ASCC2: variants seen among roughly 807,000 people sequenced by gnomAD.
ASCC2 encodes ASC-1 complex subunit P100.
Under a neutral mutation model 93.5 loss-of-function variants are expected in ASCC2, and 42 were observed. That is an observed-to-expected ratio of 0.45 (90% CI 0.35 to 0.58). The LOEUF (loss-of-function observed/expected upper bound fraction) is 0.58. Among genes scored for constraint, ASCC2 ranks in the 20% least tolerant of loss-of-function variants. The pLI, the probability that ASCC2 is intolerant of heterozygous loss-of-function variation, is 0.00. For missense variants in ASCC2, 859 were observed against 977.6 expected (o/e 0.88, Z 1.62); for synonymous variants, 364 against 384.2 (o/e 0.95, Z 0.62).
In ASCC2 at chr22:29,816,087, A is replaced by AGAAAGGTTGGAATTGAG. The variant is rs771848137; in HGVS notation, c.542-31_542-15dup. 6.3e-7 allele frequency: 1 copy of AGAAAGGTTGGAATTGAG among 1,581,838 alleles called. No homozygotes were observed. The highest frequency in any genetic ancestry group is 8.6e-7 in the Non-Finnish European group (1 of 1,161,426). On this transcript the variant is annotated splice_polypyrimidine_tract_variant and intron_variant, in intron 5 of 19. Transcript: ENST00000307790. ...TAAAGATGTTTCCTAAAAAGAGAAG[A>AGAAAGGTTGGAATTGAG]GAAAGGTTGGAATTGAGAAAAGGTG... is the stretch of plus-strand genomic sequence containing the variant.
chr22:29,805,538 C>T (rs1034035477), intron 12 of ASCC2, among the ~76,000 whole-genome samples: 11 of 152,172 alleles, frequency 7.2e-5, no homozygotes, highest in Middle Eastern at 3.2e-3. Flanking sequence ...CAACCTTCCG[C>T]GCTCCCCAGC....
In ASCC2 at chr22:29,832,153, T is replaced by C. The variant is rs189907606; in HGVS notation, c.81+92A>G. On this transcript the variant is annotated intron_variant, in intron 2 of 19. Transcript: ENST00000307790. ...TCACCGACCATGGCCCTCGTGTCATTCTTGGAACAGATAAAGACGGAATTT... is the reference window on the plus strand; with the variant it reads ...TCACCGACCATGGCCCTCGTGTCATCCTTGGAACAGATAAAGACGGAATTT... The C allele has an allele frequency of 4.4e-6, 5 of 1,131,636 alleles. No individual in the cohort carries two copies. The African/African-American group carries it at 4.6e-5, about 10-fold the overall frequency. The allele number at this position is 1,131,636 out of a possible 1,614,324, so 70.1% of individuals were successfully genotyped here.
rs200960163 is a variant in ASCC2 at position 29,823,764 on chromosome 22, T to C, written c.412-1300A>G. Among the ~76,000 whole-genome samples, 14 of 151,472 alleles carry C rather than the reference T, an allele frequency of 9.2e-5. No homozygotes were observed. In the East Asian group the frequency reaches 2.7e-3, roughly 30 times the overall value. On this transcript the variant is annotated intron_variant, in intron 4 of 19. Transcript: ENST00000307790. Reference sequence around the variant, plus strand: ...TTGGGAGGCTGAGGTAGGAGAATGCTTGAATCCAGGAGGCGGAGGTTGCAG... The same window carrying C: ...TTGGGAGGCTGAGGTAGGAGAATGCCTGAATCCAGGAGGCGGAGGTTGCAG...
rs1438334373 is a variant in ASCC2, at chr22:29,814,810, AG to A, written c.610-44del. The A allele has an allele frequency of 1.9e-6, 3 of 1,542,486 alleles. No homozygotes were observed. In the South Asian group the frequency reaches 3.4e-5, roughly 18 times the overall value. On this transcript the variant is annotated intron_variant, in intron 6 of 19. Transcript: ENST00000307790. Reference sequence around the variant, plus strand: ...GGGCTCTCTCACATCATACTGAACCAGGGCTAGGACCCCTGGCAGCAGCCAG... The same window carrying A: ...GGGCTCTCTCACATCATACTGAACCAGGCTAGGACCCCTGGCAGCAGCCAG...
chr22:29,796,917 T>A (rs1411508898), intron 15 of ASCC2, among the ~76,000 whole-genome samples: 1 of 152,156 alleles, frequency 6.6e-6, no homozygotes, highest in Non-Finnish European at 1.5e-5. Context: ...AGTGGGGCAG[T>A]TCTTTCATGC....
chr22:29,801,145 C>T (rs769317668), intron 14 of ASCC2, 35 bp from the exon 15 acceptor site: 2 of 1,563,212 alleles, frequency 1.3e-6, no homozygotes, highest in South Asian at 1.1e-5. Flanking sequence ...TTTAAGGGGG[C>T]CCTGCCAGCT....
At chr22:29,822,514 C>A (rs1602147646) in intron 4 of ASCC2, 50 bp from the exon 5 acceptor site, 1 of 1,595,476 alleles carries the variant, frequency 6.3e-7, no homozygotes, top group Non-Finnish European at 8.6e-7. Context: ...AACACTCCTA[C>A]ATTATAAATA....
At chr22:29,793,337 C>T (rs1330317961) in intron 17 of ASCC2, 23 bp downstream of exon 17, 11 of 1,611,776 alleles carry the variant, frequency 6.8e-6, no homozygotes, top group South Asian at 2.2e-5. Context: ...TGCCCTGGAA[C>T]GCCACCCCCA....
chr22:29,826,555 C>T (rs948587373), intron 2 of ASCC2, among the ~76,000 whole-genome samples: 5 of 152,118 alleles, frequency 3.3e-5, no homozygotes, highest in Admixed American at 1.3e-4. Flanking sequence ...AAGCCATCCG[C>T]CTGCCTTGGC....
chr22:29,790,976 T>C (rs780987775), intron 18 of ASCC2, among the ~76,000 whole-genome samples: 2 of 152,122 alleles, frequency 1.3e-5, no homozygotes, highest in Non-Finnish European at 2.9e-5. Context: ...ACTAGCAGCA[T>C]GTGTGGGAGT....
intron 15 of ASCC2, among the ~76,000 whole-genome samples, chr22:29,800,243 C>G (rs910075009): frequency 6.6e-6 from 1 of 152,204 alleles, no homozygotes; most frequent in Admixed American, 6.5e-5. Flanking sequence ...CTTTAGCTCT[C>G]GGTCCCATGT....
intron 13 of ASCC2, among the ~76,000 whole-genome samples, chr22:29,804,052 CCT>C (rs2059398608): frequency 6.6e-6 from 1 of 152,246 alleles, no homozygotes; most frequent in African/African-American, 2.4e-5. Context: ...AGGTCACACC[CCT>C]GAGCTGCCTC....
At chr22:29,836,656 G>C (rs1568969982) in intron 1 of ASCC2, among the ~76,000 whole-genome samples, 1 of 152,022 alleles carries the variant, frequency 6.6e-6, no homozygotes, top group Non-Finnish European at 1.5e-5. Context: ...TGTCTCCCGG[G>C]TTCAAGAGAT....
Position 29,793,422 on chromosome 22 carries a change from T to C in ASCC2, c.1857A>G (p.Thr619=). Residue 619 remains threonine, a synonymous_variant, in exon 17 of 20, where the codon ACA becomes ACG. Coordinates refer to ENST00000307790, the MANE Select transcript of ASCC2 (RefSeq NM_032204.5). ...TGGCGCCCACCTGGTTGCCATCGTATGTGTCATCGTACTCATCCTCGTAGT... is the reference window on the plus strand; with the variant it reads ...TGGCGCCCACCTGGTTGCCATCGTACGTGTCATCGTACTCATCCTCGTAGT... The part of the protein sequence containing the change: ...SVYYEDEYDD[T]YDGNQVGAND... 2 of 1,614,160 alleles carry C rather than the reference T, an allele frequency of 1.2e-6. No homozygotes were observed. The highest frequency in any genetic ancestry group is 1.7e-6 in the Non-Finnish European group (2 of 1,180,042).
chr22:29,823,922 G>C (rs1450136805), intron 4 of ASCC2, among the ~76,000 whole-genome samples: 2 of 152,080 alleles, frequency 1.3e-5, no homozygotes, highest in Non-Finnish European at 2.9e-5. Flanking sequence ...CAGGTGTGGT[G>C]GCTAGTGCCT....
Position 29,793,666 on chromosome 22 carries a change from C to T in ASCC2, c.1699G>A (p.Glu567Lys), listed in dbSNP as rs775769576. The change falls in exon 16 of 20, where the codon GAG becomes AAG. Residue 567 changes from glutamate (E) to lysine (K), a missense_variant. Coordinates refer to ENST00000307790, the MANE Select transcript of ASCC2 (RefSeq NM_032204.5). The part of the protein sequence containing the change: ...RVHKGKSTRK[E>K]ENTRSLLNDK... ...TTCAGCAAACTCCGCGTGTTTTCCTCCTTCCTGGTGCTGAGAAGGAACAGC... is the reference window on the plus strand; with the variant it reads ...TTCAGCAAACTCCGCGTGTTTTCCTTCTTCCTGGTGCTGAGAAGGAACAGC... The T allele has an allele frequency of 2.6e-6, 4 of 1,566,602 alleles. No individual in the cohort carries two copies. Among genetic ancestry groups the T allele is most frequent in the Middle Eastern group, 3.3e-4 (2 of 6,014 alleles).
chr22:29,806,889 C>G lies in ASCC2; in HGVS notation c.924G>C (p.Leu308=), dbSNP rs1387875444. The G allele has an allele frequency of 3.7e-6, 6 of 1,613,632 alleles. No homozygotes were observed. Among genetic ancestry groups the G allele is most frequent in the Non-Finnish European group, 2.5e-6 (3 of 1,179,644 alleles). Residue 308 remains leucine (L), a synonymous_variant, in exon 10 of 20, where the codon CTG becomes CTC. Coordinates refer to ENST00000307790, the MANE Select transcript of ASCC2 (RefSeq NM_032204.5). ...TCCTGGAATGGGAGAGCCTCTGCCA[C>G]AGGTCACCAAGAAGCCTAGGCCAGA... is the stretch of plus-strand genomic sequence containing the variant. The part of the protein sequence containing the change: ...RLEDSKLLGD[L]WQRLSHSRKK...
intron 15 of ASCC2, among the ~76,000 whole-genome samples, chr22:29,796,316 C>T (rs1423599182): frequency 1.3e-5 from 2 of 152,042 alleles, no homozygotes; most frequent in Non-Finnish European, 2.9e-5. Flanking sequence ...TAAGGACCTT[C>T]TCTGTGCCGG....
At chr22:29,828,351 C>T (rs1461614193) in intron 2 of ASCC2, among the ~76,000 whole-genome samples, 1 of 152,136 alleles carries the variant, frequency 6.6e-6, no homozygotes, top group Non-Finnish European at 1.5e-5. Context: ...ACTAAGCAGG[C>T]ACAACCCACA....
Sources: gnomAD v4.1 joint callset for allele counts (sites outside exome capture counted in the v4.1 genomes callset) on GRCh38, gnomAD v4.1.1 for gene constraint, MANE v1.5 for transcripts, NCBI Gene and HGNC (gene_info 2026-07-23, HGNC 2026-07-21) for gene names.